NGFR: variants seen among roughly 807,000 people sequenced by gnomAD.
NGFR encodes the protein nerve growth factor receptor.
NGFR carries 30 observed loss-of-function variants against 43.2 expected under a neutral mutation model. The ratio of observed to expected loss-of-function variants is 0.69; its 90% CI spans 0.52 to 0.94. The LOEUF (loss-of-function observed/expected upper bound fraction) is 0.94, where lower values mean the gene tolerates loss of function less well. NGFR is among the 40% of genes least tolerant of loss of function. The pLI, the probability that NGFR is intolerant of heterozygous loss-of-function variation, is 0.00. For synonymous variants in NGFR, 246 were observed against 259.6 expected (o/e 0.95, Z 0.50); for missense variants, 529 against 602.5 (o/e 0.88, Z 1.28).
intron 1 of NGFR, 63 bp from the exon 2 acceptor site, chr17:49,502,000 A>AGCGCCCCCCCCCCCC: frequency 7.6e-6 from 2 of 264,884 alleles, no homozygotes; most frequent in South Asian, 4.6e-5. Flanking sequence ...CCCCGGAAGA[A>AGCGCCCCCCCCCCCC]CCCCCCCCAA....
In NGFR at chr17:49,495,504, G is replaced by GCC; in HGVS notation, c.66+23_66+24dup. The GCC allele has an allele frequency of 8.1e-7, 1 of 1,233,658 alleles. No homozygotes were observed. The highest frequency in any genetic ancestry group is 1.0e-6 in the Non-Finnish European group (1 of 986,606). The allele number at this position is 1,233,658 out of a possible 1,614,324, so 76.4% of individuals were successfully genotyped here. A position where few individuals can be genotyped will look rare whatever the true frequency, so the allele number is the denominator to read the frequency against. On this transcript the variant is annotated intron_variant, in intron 1 of 5. Transcript: ENST00000172229. This position sits in a 1 kb window ranked among gnomAD's most constrained non-coding sequence, Gnocchi z 6.4. ...TGGGGGTGAGTGTTAGCCGGAGGGG[G>GCC]CCCGCTCCCTTTCCCGGGATCAGAA... is the stretch of plus-strand genomic sequence containing the variant.
intron 2 of NGFR, chr17:49,506,071 TG>T: frequency 1.3e-6 from 1 of 782,928 alleles, no homozygotes; most frequent in Non-Finnish European, 1.9e-6. Context: ...CCAGTGCTTC[TG>T]GAGCCTGGAG....
In NGFR at chr17:49,513,264, C is replaced by T. The variant is rs11466161; in HGVS notation, c.*255C>T. 1.0e-5 allele frequency: 5 copies of T among 494,024 alleles called. No individual in the cohort carries two copies. In the South Asian group the frequency reaches 1.4e-4, roughly 14 times the overall value. 30.6% of individuals were successfully genotyped at this position (494,024 alleles called of 1,614,324 possible). A position where few individuals can be genotyped will look rare whatever the true frequency, so the allele number is the denominator to read the frequency against. On this transcript the variant is annotated 3_prime_UTR_variant, in exon 6 of 6. Coordinates refer to ENST00000172229, the MANE Select transcript of NGFR (RefSeq NM_002507.4). ...TGCCTCCCCAACCCTGCCCCTGCCC[C>T]GTCACCATCTCAGGCCACCTGCCCC... is the stretch of plus-strand genomic sequence containing the variant.
At chr17:49,505,026 C>G (rs919754354) in intron 2 of NGFR, among the ~76,000 whole-genome samples, 1 of 152,072 alleles carries the variant, frequency 6.6e-6, no homozygotes, top group African/African-American at 2.4e-5. Context: ...CTCGCCTTGG[C>G]CTCCCAAAGT....
chr17:49,513,090 C>T lies in NGFR; in HGVS notation c.*81C>T, dbSNP rs927789186. 1.0e-5 allele frequency: 14 copies of T among 1,394,774 alleles called. No homozygotes were observed. The highest frequency in any genetic ancestry group is 1.3e-5 in the Non-Finnish European group (14 of 1,060,378). The allele number at this position is 1,394,774 out of a possible 1,614,324, so 86.4% of individuals were successfully genotyped here. A position where few individuals can be genotyped will look rare whatever the true frequency, so the allele number is the denominator to read the frequency against. On this transcript the variant is annotated 3_prime_UTR_variant, in exon 6 of 6. Coordinates refer to ENST00000172229, the MANE Select transcript of NGFR (RefSeq NM_002507.4). ...AACCCCTGTGGAGCCCGCACCCCCA[C>T]CCTTTGGGGGGGGCCCGCCTGGCAG... is the stretch of plus-strand genomic sequence containing the variant.
Position 49,512,361 on chromosome 17 carries a change from G to A in NGFR, c.982+309G>A, listed in dbSNP as rs1378437190. On this transcript the variant is annotated intron_variant, in intron 5 of 5. Transcript: ENST00000172229. The surrounding 1 kb of genome is among the most constrained non-coding windows in gnomAD (Gnocchi z 5.2). ...CTTGCCCTGGACTTCTGGGGAACAA[G>A]TAGTTAAGTGTGTACCCTAATTAGT... 6.6e-6 allele frequency among the ~76,000 whole-genome samples: 1 copy of A among 152,244 alleles called. No individual in the cohort carries two copies. The highest frequency in any genetic ancestry group is 1.5e-5 in the Non-Finnish European group (1 of 68,050).
chr17:49,495,709 T>C lies in NGFR; in HGVS notation c.66+226T>C. The stretch of plus-strand genomic sequence containing the variant: ...GATGAGGGCAAGACCGGAGCACGGA[T>C]GCCGGTCCTCAGGTACCGCAGGGGG... On this transcript the variant is annotated intron_variant, in intron 1 of 5. Coordinates refer to ENST00000172229, the MANE Select transcript of NGFR (RefSeq NM_002507.4). The surrounding 1 kb of genome is among the most constrained non-coding windows in gnomAD (Gnocchi z 6.4). 2 of 361,776 alleles carry C rather than the reference T, an allele frequency of 5.5e-6. No homozygotes were observed. Among genetic ancestry groups the C allele is most frequent in the Non-Finnish European group, 9.6e-6 (2 of 209,152 alleles). 22.4% of individuals were successfully genotyped at this position (361,776 alleles called of 1,614,324 possible).
At position 49,502,444 on chromosome 17, in the gene NGFR, G is replaced by T. The variant is rs141373032; in HGVS notation, c.208+240G>T. On this transcript the variant is annotated intron_variant, in intron 2 of 5. Coordinates refer to ENST00000172229, the MANE Select transcript of NGFR (RefSeq NM_002507.4). ...GAACCCCATGGGGGATCTCCAAGGGGTGCCCATTCCCAGCTCTGGAGAAGG... is the reference window on the plus strand; with the variant it reads ...GAACCCCATGGGGGATCTCCAAGGGTTGCCCATTCCCAGCTCTGGAGAAGG... Among the ~76,000 whole-genome samples the T allele has an allele frequency of 8.6e-3, 1,309 of 152,326 alleles. 9 individuals are homozygous for T. Among genetic ancestry groups the T allele is most frequent in the Non-Finnish European group, 0.014 (934 of 68,020 alleles).
chr17:49,511,940 G>A lies in NGFR; in HGVS notation c.870G>A (p.Val290=), dbSNP rs2071235536. Residue 290 remains valine (V), a synonymous_variant, in exon 5 of 6, where the codon GTG becomes GTA. Coordinates refer to ENST00000172229, the MANE Select transcript of NGFR (RefSeq NM_002507.4). ...QNKQGANSRP[V]NQTPPPEGEK... is the part of the protein sequence containing the mutation. ...AGCAAGGAGCCAACAGCCGGCCAGT[G>A]AACCAGACGCCCCCACCAGAGGGAG... 2 of 1,613,050 alleles carry A rather than the reference G, an allele frequency of 1.2e-6. No individual in the cohort carries two copies. Among genetic ancestry groups the A allele is most frequent in the African/African-American group, 2.7e-5 (2 of 75,014 alleles).
chr17:49,507,508 C>T (rs1363160323), intron 3 of NGFR, among the ~76,000 whole-genome samples: 4 of 152,210 alleles, frequency 2.6e-5, no homozygotes, highest in Admixed American at 1.3e-4. Flanking sequence ...CCACCTTAGC[C>T]AAGCACAGGC....
In NGFR at chr17:49,513,021, G is replaced by C. The variant is rs1197592918; in HGVS notation, c.*12G>C. On this transcript the variant is annotated 3_prime_UTR_variant, in exon 6 of 6. Coordinates refer to ENST00000172229, the MANE Select transcript of NGFR (RefSeq NM_002507.4). Reference sequence around the variant, plus strand: ...CATCCCCGGTGTGAGCCCAACCGGGGAGCCCCCGCCCCGCCCCACATTCCG... The same window carrying C: ...CATCCCCGGTGTGAGCCCAACCGGGCAGCCCCCGCCCCGCCCCACATTCCG... 1 of 1,516,460 alleles carries C rather than the reference G, an allele frequency of 6.6e-7. No homozygotes were observed. The highest frequency in any genetic ancestry group is 1.3e-5 in the South Asian group (1 of 79,048). The allele number at this position is 1,516,460 out of a possible 1,614,324, so 93.9% of individuals were successfully genotyped here.
At chr17:49,502,000 A>AGCCCCCCCCCCCCCCCC in intron 1 of NGFR, 63 bp from the exon 2 acceptor site, 2 of 264,884 alleles carry the variant, frequency 7.6e-6, no homozygotes, top group Non-Finnish European at 7.9e-6. Context: ...CCCCGGAAGA[A>AGCCCCCCCCCCCCCCCC]CCCCCCCCAA....
chr17:49,499,866 C>T (rs1463303401), intron 1 of NGFR, among the ~76,000 whole-genome samples: 4 of 152,282 alleles, frequency 2.6e-5, no homozygotes, highest in South Asian at 4.1e-4. Flanking sequence ...GGATTACAGG[C>T]GTAAGCCACC....
Position 49,512,874 on chromosome 17 carries a change from T to C in NGFR, c.1149T>C (p.Val383=). The C allele has an allele frequency of 6.2e-7, 1 of 1,613,030 alleles. No individual in the cohort carries two copies. Among genetic ancestry groups the C allele is most frequent in the African/African-American group, 1.3e-5 (1 of 74,952 alleles). ...IDSFTHEACP[V]RALLASWATQ... is the part of the protein sequence containing the mutation. Reference sequence around the variant, plus strand: ...CCTTTACCCATGAGGCCTGCCCCGTTCGCGCCCTGCTTGCAAGCTGGGCCA... The same window carrying C: ...CCTTTACCCATGAGGCCTGCCCCGTCCGCGCCCTGCTTGCAAGCTGGGCCA... Residue 383 remains valine, a synonymous_variant, in exon 6 of 6, where the codon GTT becomes GTC. Transcript: ENST00000172229. The surrounding 1 kb of genome is among the most constrained non-coding windows in gnomAD (Gnocchi z 5.2).
intron 3 of NGFR, among the ~76,000 whole-genome samples, chr17:49,510,151 A>C (rs2071222017): frequency 6.6e-6 from 1 of 152,138 alleles, no homozygotes. Flanking sequence ...TAAGGAAATC[A>C]AGGTTCTGAG....
chr17:49,502,000 A>AACCC, intron 1 of NGFR, 63 bp from the exon 2 acceptor site: 8 of 264,886 alleles, frequency 3.0e-5, no homozygotes, highest in South Asian at 4.6e-5. Context: ...CCCCGGAAGA[A>AACCC]CCCCCCCCAA....
Position 49,495,401 on chromosome 17 carries a change from G to A in NGFR, c.-17G>A, listed in dbSNP as rs543274866. On this transcript the variant is annotated 5_prime_UTR_variant, in exon 1 of 6. Transcript: ENST00000172229. This position sits in a 1 kb window ranked among gnomAD's most constrained non-coding sequence, Gnocchi z 6.4. ...CGGACCGAGCTGGAAGTCGAGCGCT[G>A]CCGCGGGAGGCGGGCGATGGGGGCA... 2 of 1,233,820 alleles carry A rather than the reference G, an allele frequency of 1.6e-6. No individual in the cohort carries two copies. Among genetic ancestry groups the A allele is most frequent in the Non-Finnish European group, 2.0e-6 (2 of 987,960 alleles). 76.4% of individuals were successfully genotyped at this position (1,233,820 alleles called of 1,614,324 possible).
intron 3 of NGFR, among the ~76,000 whole-genome samples, chr17:49,509,592 C>T (rs952924055): frequency 5.3e-5 from 8 of 152,204 alleles, no homozygotes; most frequent in African/African-American, 7.2e-5. Context: ...AGTCTCCCCC[C>T]GCCAGCTGAG....
At position 49,512,692 on chromosome 17, in the gene NGFR, T is replaced by A; in HGVS notation, c.983-16T>A. 2 of 1,562,540 alleles carry A rather than the reference T, an allele frequency of 1.3e-6. No homozygotes were observed. Among genetic ancestry groups the A allele is most frequent in the Non-Finnish European group, 1.7e-6 (2 of 1,152,758 alleles). On this transcript the variant is annotated splice_polypyrimidine_tract_variant and intron_variant, in intron 5 of 5. Coordinates refer to ENST00000172229, the MANE Select transcript of NGFR (RefSeq NM_002507.4). This position sits in a 1 kb window ranked among gnomAD's most constrained non-coding sequence, Gnocchi z 5.2. ...GTTCAGGGGTAGGACCTGACTCTCC[T>A]CTGGTTTCTCTGCAGCCCTCAAGGG...
Sources: gnomAD v4.1 joint callset for allele counts (sites outside exome capture counted in the v4.1 genomes callset) on GRCh38, gnomAD v4.1.1 for gene constraint, Gnocchi (gnomAD v3.1) non-coding constraint, MANE v1.5 for transcripts, NCBI Gene and HGNC (gene_info 2026-07-23, HGNC 2026-07-21) for gene names.